Variants in AFF1 observed in about 807,000 individuals in gnomAD.
The protein encoded by AFF1 is AF4/FMR2 family member 1.
AFF1 carries 48 observed loss-of-function variants against 121.7 expected under a neutral mutation model. The observed-to-expected ratio is 0.39, with a 90% confidence interval of 0.31 to 0.50. The LOEUF (loss-of-function observed/expected upper bound fraction) is 0.50, where lower values mean the gene tolerates loss of function less well. Ranked by LOEUF, AFF1 falls within the 20% of genes least tolerant of loss-of-function variation. The pLI is 0.76. For missense variants in AFF1, 1,523 were observed against 1,511.7 expected (o/e 1.01, Z -0.12); for synonymous variants, 613 against 563.0 (o/e 1.09, Z -1.26).
Position 87,115,196 on chromosome 4 carries a change from G to A in AFF1, c.2363G>A (p.Ser788Asn), listed in dbSNP as rs1446834166. The change falls in exon 12 of 21, where the codon AGC (serine) becomes AAC (asparagine). Residue 788 changes from serine to asparagine, a missense_variant. Coordinates refer to ENST00000395146, the MANE Select transcript of AFF1 (RefSeq NM_001166693.3). ...SRIPQPPGKG[S>N]RQRKAEDKQP... ...ATACCCCAGCCTCCCGGGAAGGGGA[G>A]CCGCCAGAGGAAAGCAGAAGATAAA... is the stretch of plus-strand genomic sequence containing the variant. 5.0e-6 allele frequency: 8 copies of A among 1,614,076 alleles called. No homozygotes were observed. The highest frequency in any genetic ancestry group is 6.8e-6 in the Non-Finnish European group (8 of 1,180,056).
chr4:86,953,329 A>T (rs915375792), intron 2 of AFF1, among the ~76,000 whole-genome samples: 14 of 152,156 alleles, frequency 9.2e-5, no homozygotes, highest in African/African-American at 3.4e-4. Flanking sequence ...ATTTGCCCAG[A>T]AAAAAACATT....
At chr4:87,048,588 A>ATGTTT (rs1453058434) in intron 4 of AFF1, among the ~76,000 whole-genome samples, 1 of 152,218 alleles carries the variant, frequency 6.6e-6, no homozygotes, top group Non-Finnish European at 1.5e-5. Flanking sequence ...CCATCCAGAT[A>ATGTTT]TGTTTTACAT....
Position 87,115,006 on chromosome 4 carries a change from G to C in AFF1, c.2173G>C (p.Gly725Arg). Residue 725 changes from glycine (G) to arginine (R), a missense_variant, in exon 12 of 21, where the codon GGC (glycine) becomes CGC (arginine). Gly to Arg is a moderately radical substitution (Grantham distance 125, BLOSUM62 -2). Transcript: ENST00000395146. ...ESQGPPHSGS[G>R]SRTSGCRQAV... is the part of the protein sequence containing the mutation. Reference sequence around the variant, plus strand: ...CCAGGGCCCACCCCACAGTGGCAGCGGCAGCAGGACTAGTGGCTGCCGCCA... The same window carrying C: ...CCAGGGCCCACCCCACAGTGGCAGCCGCAGCAGGACTAGTGGCTGCCGCCA... The C allele has an allele frequency of 1.2e-6, 2 of 1,613,792 alleles. No individual in the cohort carries two copies. Among genetic ancestry groups the C allele is most frequent in the African/African-American group, 1.3e-5 (1 of 75,038 alleles).
At chr4:87,006,988 G>A in intron 2 of AFF1, 1 of 1,074,104 alleles carries the variant, frequency 9.3e-7, no homozygotes. Context: ...TGAGCCCAGA[G>A]GCAATTTCTT....
chr4:87,124,853 C>A (rs1307177594), intron 12 of AFF1, among the ~76,000 whole-genome samples, 184 bp from the exon 13 acceptor site: 5 of 152,134 alleles, frequency 3.3e-5, no homozygotes, highest in African/African-American at 9.7e-5. Flanking sequence ...TCTACATTGT[C>A]CCCTGCCCAC....
At chr4:87,084,803 T>C (rs1213322662) in intron 5 of AFF1, among the ~76,000 whole-genome samples, 3 of 152,102 alleles carry the variant, frequency 2.0e-5, no homozygotes, top group African/African-American at 7.2e-5. Flanking sequence ...TCTCGTTAAG[T>C]TTTTCTGGTT....
intron 7 of AFF1, among the ~76,000 whole-genome samples, chr4:87,094,528 A>G (rs548024663): frequency 2.4e-4 from 36 of 152,282 alleles, no homozygotes; most frequent in Admixed American, 2.1e-3. Flanking sequence ...AGAGCTGTCT[A>G]AAGAGAGTGA....
chr4:87,027,895 A>G (rs1343184095), intron 2 of AFF1, among the ~76,000 whole-genome samples: 1 of 149,596 alleles, frequency 6.7e-6, no homozygotes, highest in Non-Finnish European at 1.5e-5. Context: ...CTGGGGTTCA[A>G]GTGATTCTCC....
chr4:87,129,805 C>T (rs1034139922), intron 16 of AFF1, among the ~76,000 whole-genome samples: 1 of 152,192 alleles, frequency 6.6e-6, no homozygotes, highest in Non-Finnish European at 1.5e-5. Context: ...ACAGTATGCA[C>T]TAAAGTCATT....
chr4:87,023,080 AT>A (rs953076345), intron 2 of AFF1, among the ~76,000 whole-genome samples: 3 of 150,544 alleles, frequency 2.0e-5, no homozygotes, highest in Admixed American at 1.3e-4. Flanking sequence ...CTAATTTTTA[AT>A]TTTTTTTTGT....
chr4:87,067,708 G>A (rs1721504977), intron 4 of AFF1, among the ~76,000 whole-genome samples: 1 of 152,146 alleles, frequency 6.6e-6, no homozygotes, highest in Admixed American at 6.5e-5. Context: ...CTTTGTAGTT[G>A]GAACTCAGTT....
chr4:86,958,300 A>G (rs189348954), intron 2 of AFF1, among the ~76,000 whole-genome samples: 128 of 151,366 alleles, frequency 8.5e-4, no homozygotes, highest in African/African-American at 2.4e-3. Flanking sequence ...TCACCATGTT[A>G]GGCTGGTCTC....
At chr4:87,106,131 C>T (rs1725889209) in intron 10 of AFF1, among the ~76,000 whole-genome samples, 1 of 152,124 alleles carries the variant, frequency 6.6e-6, no homozygotes, top group Non-Finnish European at 1.5e-5. Flanking sequence ...GCCTGTAATC[C>T]CAGCACTTTG....
At chr4:87,064,508 G>T (rs944834651) in intron 4 of AFF1, among the ~76,000 whole-genome samples, 1 of 152,186 alleles carries the variant, frequency 6.6e-6, no homozygotes, top group African/African-American at 2.4e-5. Context: ...TTGGGAAGCC[G>T]AGGCAGGAGG....
intron 12 of AFF1, among the ~76,000 whole-genome samples, chr4:87,124,055 A>G (rs992780651): frequency 2.6e-5 from 4 of 152,206 alleles, no homozygotes; most frequent in Admixed American, 6.5e-5. Context: ...GGAGGCCGTC[A>G]GGGAGTCTGC....
chr4:87,024,212 T>C (rs1728304009), intron 2 of AFF1, among the ~76,000 whole-genome samples: 1 of 152,214 alleles, frequency 6.6e-6, no homozygotes, highest in Non-Finnish European at 1.5e-5. Flanking sequence ...TTGCCCTTCA[T>C]ACATATATCC....
At chr4:87,091,182 A>T (rs1224491149) in intron 6 of AFF1, among the ~76,000 whole-genome samples, 2 of 152,040 alleles carry the variant, frequency 1.3e-5, no homozygotes, top group East Asian at 3.9e-4. Flanking sequence ...AGGCGGGTGG[A>T]TCACGAGGTC....
At chr4:86,977,655 CTG>C (rs1426355645) in intron 2 of AFF1, among the ~76,000 whole-genome samples, 4 of 152,160 alleles carry the variant, frequency 2.6e-5, no homozygotes, top group Non-Finnish European at 5.9e-5. Context: ...ATTTTATAGT[CTG>C]TGTTTCTCAT....
At chr4:87,021,700 G>T (rs1052877517) in intron 2 of AFF1, among the ~76,000 whole-genome samples, 1 of 152,108 alleles carries the variant, frequency 6.6e-6, no homozygotes, top group African/African-American at 2.4e-5. Context: ...TCAGTAATTT[G>T]TCTAAACATT....
Sources: allele counts gnomAD v4.1 joint callset (sites outside exome capture counted in the v4.1 genomes callset), GRCh38; gene constraint gnomAD v4.1.1; transcripts MANE v1.5; gene names NCBI Gene and HGNC (gene_info 2026-07-23, HGNC 2026-07-21).